LZTS1: variants seen among roughly 807,000 people sequenced by gnomAD.
LZTS1 encodes the protein leucine zipper putative tumor suppressor 1.
In LZTS1, 31 loss-of-function variants were observed where a neutral mutation model predicts 45.8. The ratio of observed to expected loss-of-function variants is 0.68; its 90% confidence interval spans 0.51 to 0.91. LZTS1 has a LOEUF of 0.91. LZTS1 is among the 40% of genes least tolerant of loss of function. The pLI is 0.00. For missense variants in LZTS1, 821 were observed against 788.9 expected (o/e 1.04, Z -0.49); for synonymous variants, 359 against 357.3 (o/e 1.00, Z -0.05).
chr8:20,255,772 G>C (rs570339347), intron 1 of LZTS1, among the ~76,000 whole-genome samples: 5 of 152,104 alleles, frequency 3.3e-5, no homozygotes, highest in South Asian at 4.1e-4. Flanking sequence ...ATTTTAAAAG[G>C]CTTCAAGAAA....
At chr8:20,302,128 C>T (rs1423382938) in intron 1 of LZTS1, among the ~76,000 whole-genome samples, 3 of 152,082 alleles carry the variant, frequency 2.0e-5, no homozygotes, top group South Asian at 2.1e-4. Flanking sequence ...CTGACGCCTC[C>T]GTTTCTTCAC....
chr8:20,273,919 T>C (rs1316202208), intron 1 of LZTS1, among the ~76,000 whole-genome samples: 3 of 151,994 alleles, frequency 2.0e-5, no homozygotes, highest in East Asian at 3.9e-4. Flanking sequence ...CCACTTCCTC[T>C]CCTCCCCTCC....
intron 2 of LZTS1, 59 bp downstream of exon 2, chr8:20,254,778 C>A: frequency 1.4e-6 from 2 of 1,399,308 alleles, no homozygotes; most frequent in South Asian, 2.8e-5. Flanking sequence ...CTCTCCACCC[C>A]CATTTTGCTT....
intron 1 of LZTS1, among the ~76,000 whole-genome samples, chr8:20,271,099 C>T (rs1157101582): frequency 6.6e-6 from 1 of 152,088 alleles, no homozygotes; most frequent in Non-Finnish European, 1.5e-5. Context: ...TCTGTGTGCA[C>T]AAGCCAGGAA....
At chr8:20,253,676 G>T in intron 2 of LZTS1, 91 bp from the exon 3 acceptor site, 4 of 1,044,510 alleles carry the variant, frequency 3.8e-6, no homozygotes, top group Admixed American at 3.0e-5. Context: ...CCTTGAGCCA[G>T]TCTGGGCTCT....
At chr8:20,271,825 G>C (rs1297677413) in intron 1 of LZTS1, among the ~76,000 whole-genome samples, 1 of 152,232 alleles carries the variant, frequency 6.6e-6, no homozygotes, top group Non-Finnish European at 1.5e-5. Flanking sequence ...GTGGTTTGGT[G>C]GGTGCACAGC....
In LZTS1 at chr8:20,254,995, C is replaced by T. The variant is rs1800058422; in HGVS notation, c.187G>A (p.Glu63Lys). ...GKSSSKMGKS[E>K]DFFYIKVSQK... ...CTGACCTTGATGTAGAAGAAGTCTT[C>T]GCTCTTGCCCATTTTGGAGCTGGAC... Residue 63 changes from glutamate (E) to lysine (K), a missense_variant, in exon 2 of 4, where the codon GAA (glutamate) becomes AAA (lysine). By Grantham distance (56) the Glu-to-Lys change is moderately conservative. Coordinates refer to ENST00000381569, the MANE Select transcript of LZTS1 (RefSeq NM_021020.5). The T allele has an allele frequency of 1.9e-6, 3 of 1,614,066 alleles. No individual in the cohort carries two copies. The highest frequency in any genetic ancestry group is 8.5e-7 in the Non-Finnish European group (1 of 1,179,954).
At chr8:20,297,211 T>C (rs1437437329) in intron 1 of LZTS1, among the ~76,000 whole-genome samples, 1 of 152,210 alleles carries the variant, frequency 6.6e-6, no homozygotes, top group Admixed American at 6.5e-5. Flanking sequence ...ATTATGCAAT[T>C]AAGGTTGGTA....
chr8:20,298,088 G>A (rs1479435952), intron 1 of LZTS1, among the ~76,000 whole-genome samples: 7 of 151,732 alleles, frequency 4.6e-5, no homozygotes, highest in South Asian at 2.1e-4. Context: ...TTGAGACAAA[G>A]TCTTGCTCTG....
chr8:20,261,073 C>T (rs1159667476), intron 1 of LZTS1, among the ~76,000 whole-genome samples: 3 of 152,158 alleles, frequency 2.0e-5, no homozygotes, highest in Non-Finnish European at 4.4e-5. Flanking sequence ...ACAGGGTCAA[C>T]AGACACATTT....
intron 1 of LZTS1, among the ~76,000 whole-genome samples, chr8:20,261,594 C>G (rs1157286654): frequency 6.6e-6 from 1 of 152,232 alleles, no homozygotes; most frequent in Non-Finnish European, 1.5e-5. Flanking sequence ...AGGCTCAAGG[C>G]AAAGTGACAC....
intron 1 of LZTS1, among the ~76,000 whole-genome samples, chr8:20,258,552 T>A (rs1406054381): frequency 6.6e-6 from 1 of 152,198 alleles, no homozygotes; most frequent in Admixed American, 6.5e-5. Context: ...AACTTCGTTG[T>A]GTAAGTTTAA....
intron 1 of LZTS1, among the ~76,000 whole-genome samples, chr8:20,281,679 C>T (rs1800696542): frequency 1.3e-5 from 2 of 152,226 alleles, no homozygotes; most frequent in South Asian, 4.1e-4. Context: ...TCTCCTCTCT[C>T]TCTCTTGTTC....
In LZTS1 at chr8:20,255,327, C is replaced by A; in HGVS notation, c.-134-12G>T. The A allele has an allele frequency of 1.4e-6, 2 of 1,437,914 alleles. No homozygotes were observed. The highest frequency in any genetic ancestry group is 3.0e-5 in the South Asian group (2 of 67,310). 89.1% of individuals were successfully genotyped at this position (1,437,914 alleles called of 1,614,324 possible). ...CGAGAGCCGTAGACCTGGAAGAAGACACAAGACAGAAGTCAGCGTGGGTGG... is the reference window on the plus strand; with the variant it reads ...CGAGAGCCGTAGACCTGGAAGAAGAAACAAGACAGAAGTCAGCGTGGGTGG... On this transcript the variant is annotated splice_polypyrimidine_tract_variant and intron_variant, in intron 1 of 3. Transcript: ENST00000381569.
chr8:20,303,928 T>A lies in LZTS1; in HGVS notation c.-323A>T. 1 of 983,020 alleles carries A rather than the reference T, an allele frequency of 1.0e-6. No homozygotes were observed. 60.9% of individuals were successfully genotyped at this position (983,020 alleles called of 1,614,324 possible). On this transcript the variant is annotated 5_prime_UTR_variant, in exon 1 of 4. Transcript: ENST00000381569. ...ACTTTCGGCCTCCCCGCCCGGCCGC[T>A]GCCAACCCGCCAGCTCCAGGCGCGC...
At chr8:20,251,678 A>G (rs1388215963) in intron 3 of LZTS1, among the ~76,000 whole-genome samples, 5 of 152,162 alleles carry the variant, frequency 3.3e-5, no homozygotes, top group Admixed American at 2.0e-4. Context: ...GGAGAAGACA[A>G]TGATTCCTCG....
chr8:20,252,689 T>G, intron 3 of LZTS1, 93 bp downstream of exon 3: 1 of 1,225,134 alleles, frequency 8.2e-7, no homozygotes, highest in Non-Finnish European at 1.1e-6. Context: ...GCGCGGTCTG[T>G]GTTTGCACGC....
chr8:20,252,879 C>T lies in LZTS1; in HGVS notation c.1052G>A (p.Ser351Asn). ...EKRQLRQELESLMKEQDLLET... is the reference protein window; with the variant it reads ...EKRQLRQELENLMKEQDLLET... Reference sequence around the variant, plus strand: ...CAGCAGGTCCTGCTCCTTCATGAGGCTCTCGAGCTCCTGCCGGAGCTGCCG... The same window carrying T: ...CAGCAGGTCCTGCTCCTTCATGAGGTTCTCGAGCTCCTGCCGGAGCTGCCG... Residue 351 changes from serine to asparagine, a missense_variant, in exon 3 of 4, where the codon AGC (serine) becomes AAC (asparagine). Coordinates refer to ENST00000381569, the MANE Select transcript of LZTS1 (RefSeq NM_021020.5). 6.2e-7 allele frequency: 1 copy of T among 1,611,096 alleles called. No homozygotes were observed. The highest frequency in any genetic ancestry group is 8.5e-7 in the Non-Finnish European group (1 of 1,178,958).
chr8:20,262,314 T>C (rs1800250621), intron 1 of LZTS1, among the ~76,000 whole-genome samples: 1 of 152,168 alleles, frequency 6.6e-6, no homozygotes, highest in Admixed American at 6.5e-5. Flanking sequence ...GGCTAAGTAC[T>C]GTGCAAAATG....
Sources: gnomAD v4.1 joint callset for allele counts (sites outside exome capture counted in the v4.1 genomes callset) on GRCh38, gnomAD v4.1.1 for gene constraint, MANE v1.5 for transcripts, NCBI Gene and HGNC (gene_info 2026-07-23, HGNC 2026-07-21) for gene names.